HIRA: variants seen among roughly 807,000 people sequenced by gnomAD.
The protein encoded by HIRA is histone cell cycle regulator, also known as protein HIRA.
Under a neutral mutation model 126.6 loss-of-function variants are expected in HIRA, and 13 were observed. That is an observed-to-expected ratio of 0.10 (90% CI 0.07 to 0.16). The LOEUF is 0.16. Among genes scored for constraint, HIRA ranks in the 10% least tolerant of loss-of-function variants. The pLI is 1.00. For missense variants in HIRA, 834 were observed against 1,314.4 expected (o/e 0.63, Z 5.65); for synonymous variants, 511 against 520.0 (o/e 0.98, Z 0.24).
chr22:19,415,162 A>G (rs1569312287), intron 1 of HIRA, among the ~76,000 whole-genome samples: 1 of 152,094 alleles, frequency 6.6e-6, no homozygotes, highest in Non-Finnish European at 1.5e-5. Context: ...TACAAACAAC[A>G]TAATCTTAAA....
intron 1 of HIRA, among the ~76,000 whole-genome samples, chr22:19,422,226 C>T (rs916299265): frequency 2.2e-5 from 3 of 135,106 alleles, no homozygotes. Flanking sequence ...ATATATATTA[C>T]ATATACATAT....
chr22:19,359,187 T>A (rs901375972), intron 18 of HIRA, 149 bp downstream of exon 18: 3 of 753,096 alleles, frequency 4.0e-6, no homozygotes, highest in Non-Finnish European at 5.9e-6. Context: ...GACAAGCACA[T>A]ATGCTTGGCC....
intron 1 of HIRA, among the ~76,000 whole-genome samples, chr22:19,422,268 A>AAC (rs538900550): frequency 4.6e-4 from 69 of 149,984 alleles, no homozygotes; most frequent in Middle Eastern, 3.5e-3. Flanking sequence ...GTATTACATA[A>AAC]ACACACACAC....
At position 19,338,408 on chromosome 22, in the gene HIRA, G is replaced by GA. The variant is rs35862265; in HGVS notation, c.2938-6853dup. 7.6e-3 allele frequency among the ~76,000 whole-genome samples: 1,070 copies of GA among 141,416 alleles called. 11 individuals are homozygous for GA. Among genetic ancestry groups the GA allele is most frequent in the African/African-American group, 0.024 (929 of 38,086 alleles). The allele number at this position is 141,416 out of a possible 152,430, so 92.8% of individuals were successfully genotyped here. On this transcript the variant is annotated intron_variant, in intron 24 of 24. Transcript: ENST00000263208. ...AGGGTCTATAAAACAATAACAAAAT[G>GA]AAAAAAAAAAAACCAACAAAAAAAG...
chr22:19,419,631 T>C (rs990227832), intron 1 of HIRA, among the ~76,000 whole-genome samples: 1 of 152,344 alleles, frequency 6.6e-6, no homozygotes, highest in African/African-American at 2.4e-5. Context: ...AGTAAGTAGA[T>C]CAGCTCTTTT....
At chr22:19,392,665 G>T (rs2089192414) in intron 8 of HIRA, among the ~76,000 whole-genome samples, 1 of 152,214 alleles carries the variant, frequency 6.6e-6, no homozygotes, top group Non-Finnish European at 1.5e-5. Flanking sequence ...GGAGGGGTGT[G>T]AATCTCTGAA....
intron 1 of HIRA, among the ~76,000 whole-genome samples, chr22:19,430,785 G>C (rs1293896347): frequency 3.5e-4 from 54 of 152,298 alleles, no homozygotes; most frequent in Non-Finnish European, 5.9e-5. Flanking sequence ...GGATGAGTCC[G>C]TTCCCCAAGG....
chr22:19,410,865 A>G (rs1172162376), intron 1 of HIRA, 87 bp from the exon 2 acceptor site: 3 of 1,036,500 alleles, frequency 2.9e-6, no homozygotes, highest in Non-Finnish European at 4.4e-6. Flanking sequence ...GTTAAAGTCT[A>G]AACTGCTAGA....
At chr22:19,350,050 C>T (rs928720226) in intron 24 of HIRA, among the ~76,000 whole-genome samples, 17 of 151,484 alleles carry the variant, frequency 1.1e-4, no homozygotes, top group East Asian at 3.9e-4. Context: ...TGCAGTGGCG[C>T]GATCTTGGCT....
chr22:19,330,825 A>T lies in HIRA; in HGVS notation c.*615T>A, dbSNP rs1265305173. The T allele has an allele frequency of 6.3e-6, 1 of 158,634 alleles. No homozygotes were observed. The highest frequency in any genetic ancestry group is 1.4e-5 in the Non-Finnish European group (1 of 71,540). 9.8% of individuals were successfully genotyped at this position (158,634 alleles called of 1,614,324 possible). On this transcript the variant is annotated 3_prime_UTR_variant, in exon 25 of 25. Transcript: ENST00000263208. Reference sequence around the variant, plus strand: ...AATTAAAACCAAATGAAGATAGACAAGTTAATTTCAGTACAATTATTTTTC... The same window carrying T: ...AATTAAAACCAAATGAAGATAGACATGTTAATTTCAGTACAATTATTTTTC...
chr22:19,401,424 T>G (rs7284649), intron 5 of HIRA, among the ~76,000 whole-genome samples: 23,807 of 152,110 alleles, frequency 0.16, 3,955 homozygotes, highest in African/African-American at 0.42. Context: ...AGCTTCTTTT[T>G]CTGGTTTCAG....
chr22:19,367,309 T>C (rs187430079), intron 15 of HIRA, among the ~76,000 whole-genome samples: 5 of 151,946 alleles, frequency 3.3e-5, no homozygotes, highest in Admixed American at 3.3e-4. Context: ...GATGCTCAAG[T>C]CCCGTATATA....
chr22:19,375,262 G>C (rs2089007026), intron 15 of HIRA, among the ~76,000 whole-genome samples: 1 of 152,182 alleles, frequency 6.6e-6, no homozygotes, highest in African/African-American at 2.4e-5. Context: ...CTTCCATGAT[G>C]TATCAATATC....
At chr22:19,350,107 G>A (rs1349370302) in intron 24 of HIRA, among the ~76,000 whole-genome samples, 1 of 151,684 alleles carries the variant, frequency 6.6e-6, no homozygotes, top group Admixed American at 6.6e-5. Flanking sequence ...GCATGAAATA[G>A]CAGCCTGCCA....
chr22:19,365,751 A>G (rs929228441), intron 15 of HIRA: 7 of 152,338 alleles, frequency 4.6e-5, no homozygotes, highest in Admixed American at 1.3e-4. Context: ...TTCATTATTT[A>G]AGAGGTACAT....
chr22:19,388,776 T>C (rs2089150526), intron 9 of HIRA, among the ~76,000 whole-genome samples: 2 of 152,200 alleles, frequency 1.3e-5, no homozygotes, highest in African/African-American at 4.8e-5. Context: ...CCTCCAGGGC[T>C]TGCTGTGGTC....
At chr22:19,333,772 C>T (rs1231054001) in intron 24 of HIRA, among the ~76,000 whole-genome samples, 1 of 152,072 alleles carries the variant, frequency 6.6e-6, no homozygotes, top group Non-Finnish European at 1.5e-5. Context: ...GTTTGCTTTT[C>T]TTCATTCTAT....
At chr22:19,332,212 C>T (rs1450425516) in intron 24 of HIRA, among the ~76,000 whole-genome samples, 2 of 152,204 alleles carry the variant, frequency 1.3e-5, no homozygotes, top group South Asian at 4.1e-4. Flanking sequence ...AACTACCAGC[C>T]AGACAACTTT....
intron 8 of HIRA, among the ~76,000 whole-genome samples, chr22:19,392,653 C>A (rs1213385323): frequency 6.6e-6 from 1 of 152,182 alleles, no homozygotes; most frequent in African/African-American, 2.4e-5. Flanking sequence ...AGGGGATGGG[C>A]AGGAGGGGTG....
Sources: gnomAD v4.1 joint callset for allele counts (sites outside exome capture counted in the v4.1 genomes callset) on GRCh38, gnomAD v4.1.1 for gene constraint, MANE v1.5 for transcripts, NCBI Gene and HGNC (gene_info 2026-07-23, HGNC 2026-07-21) for gene names.